HNF4G: variants seen among roughly 807,000 people sequenced by gnomAD.
The protein encoded by HNF4G is hepatocyte nuclear factor 4 gamma.
A neutral mutation model predicts 50.9 loss-of-function variants in HNF4G; 21 were observed. That is an observed-to-expected ratio of 0.41 (90% CI 0.29 to 0.59). HNF4G has a LOEUF of 0.59. HNF4G is among the 20% of genes least tolerant of loss of function. HNF4G has a pLI of 0.26. For synonymous variants in HNF4G, 198 were observed against 185.6 expected, an observed-to-expected ratio of 1.07 and a Z score of -0.54; for missense variants, 527 against 559.4, an observed-to-expected ratio of 0.94 and a Z score of 0.58.
intron 4 of HNF4G, among the ~76,000 whole-genome samples, chr8:75,552,420 A>T (rs1440764791): frequency 1.3e-5 from 2 of 152,172 alleles, no homozygotes; most frequent in Non-Finnish European, 2.9e-5. Flanking sequence ...AAGCTTTATT[A>T]CTTATATTTT....
rs571651357 is a variant in HNF4G at position 75,566,708 on chromosome 8, A to G, written c.*2612A>G. 3.9e-5 allele frequency: 6 copies of G among 152,374 alleles called. No individual in the cohort carries two copies. In the East Asian group the frequency reaches 7.7e-4, roughly 20 times the overall value. The allele number at this position is 152,374 out of a possible 1,614,324, so 9.4% of individuals were successfully genotyped here. A position where few individuals can be genotyped will look rare whatever the true frequency, so the allele number is the denominator to read the frequency against. On this transcript the variant is annotated 3_prime_UTR_variant, in exon 10 of 10. Transcript: ENST00000396423. ...ATGTATAATTATTTTTATAAATTTT[A>G]TTGTTGGAAATCAAAAATTAGTAGA...
At chr8:75,530,585 T>G (rs1806301872) in intron 2 of HNF4G, among the ~76,000 whole-genome samples, 1 of 152,150 alleles carries the variant, frequency 6.6e-6, no homozygotes, top group South Asian at 2.1e-4. Context: ...AACTTTAGGT[T>G]TAAATCATTT....
intron 4 of HNF4G, among the ~76,000 whole-genome samples, chr8:75,552,733 G>A (rs1279033687): frequency 1.3e-5 from 2 of 152,064 alleles, no homozygotes; most frequent in Non-Finnish European, 2.9e-5. Context: ...TTTGAATTGT[G>A]AAATTCCTCA....
chr8:75,482,406 C>T (rs1035322723), intron 1 of HNF4G, among the ~76,000 whole-genome samples: 1 of 151,508 alleles, frequency 6.6e-6, no homozygotes, highest in Non-Finnish European at 1.5e-5. Context: ...CTCTCTGTTA[C>T]CCAGGCTGGA....
At position 75,509,733 on chromosome 8, in the gene HNF4G, A is replaced by T. The variant is rs75652450; in HGVS notation, c.-24+19525A>T. Among the ~76,000 whole-genome samples, 979 of 152,238 alleles carry T rather than the reference A, an allele frequency of 6.4e-3. 4 individuals carry two copies. The highest frequency in any genetic ancestry group is 0.019 in the African/African-American group (773 of 41,554). On this transcript the variant is annotated intron_variant, in intron 2 of 10. Coordinates refer to the HNF4G transcript ENST00000354370. ...AGCCAAAAAGTTCCTATGGTTAATGATGTCATAGCTGTTATAATGTCATGG... is the reference window on the plus strand; with the variant it reads ...AGCCAAAAAGTTCCTATGGTTAATGTTGTCATAGCTGTTATAATGTCATGG...
rs181671706 is a variant in HNF4G at position 75,420,600 on chromosome 8, C to T, written c.-144+12438C>T. On this transcript the variant is annotated intron_variant, in intron 1 of 10. Coordinates refer to the HNF4G transcript ENST00000354370. Reference sequence around the variant, plus strand: ...TGTTCAATATTCCTTCCAAACCCTTCCCCGATCTCCCACACATAAACATCA... The same window carrying T: ...TGTTCAATATTCCTTCCAAACCCTTTCCCGATCTCCCACACATAAACATCA... 1.5e-3 allele frequency among the ~76,000 whole-genome samples: 233 copies of T among 152,312 alleles called. 2 individuals are homozygous for T. Among genetic ancestry groups the T allele is most frequent in the African/African-American group, 5.1e-3 (213 of 41,562 alleles).
At chr8:75,540,851 A>ATGTGTGTG (rs56799230) in intron 1 of HNF4G, among the ~76,000 whole-genome samples, 35,046 of 146,194 alleles carry the variant, frequency 0.24, 4,414 homozygotes, top group African/African-American at 0.33. Context: ...GAAAATGTGT[A>ATGTGTGTG]TGTGTGTGTG....
intron 1 of HNF4G, among the ~76,000 whole-genome samples, chr8:75,418,095 A>G (rs1810685143): frequency 6.6e-6 from 1 of 152,144 alleles, no homozygotes; most frequent in East Asian, 1.9e-4. Context: ...TCTGGAGGCT[A>G]GAAATTTAAG....
At chr8:75,430,562 T>C (rs909952113) in intron 1 of HNF4G, among the ~76,000 whole-genome samples, 1 of 150,834 alleles carries the variant, frequency 6.6e-6, no homozygotes, top group Non-Finnish European at 1.5e-5. Flanking sequence ...TGGTTCTGGG[T>C]GTAGTGAAGG....
In HNF4G at chr8:75,480,103, A is replaced by C. The variant is rs1812341138; in HGVS notation, c.-143-9986A>C. On this transcript the variant is annotated intron_variant, in intron 1 of 10. Coordinates refer to the HNF4G transcript ENST00000354370. ...TAATTGCCTATTAGATAATTTGCTT[A>C]TCTATGTGCTATACCTGGTAACTTT... 2.6e-5 allele frequency among the ~76,000 whole-genome samples: 4 copies of C among 152,296 alleles called. No individual in the cohort carries two copies. In the South Asian group the frequency reaches 8.3e-4, roughly 32 times the overall value.
chr8:75,560,422 T>C lies in HNF4G; in HGVS notation c.1202T>C (p.Ile401Thr). The part of the protein sequence containing the change: ...LSQDPLTGQT[I>T]LLGPMSTLVH... ...CAAGACCCATTAACTGGACAAACTA[T>C]ACTTTTAGGTCCCATGTCAACACTG... is the stretch of plus-strand genomic sequence containing the variant. Residue 401 changes from isoleucine to threonine, a missense_variant, in exon 9 of 10, where the codon ATA (isoleucine) becomes ACA (threonine). Coordinates refer to ENST00000396423, the MANE Select transcript of HNF4G (RefSeq NM_004133.5). 1 of 1,613,220 alleles carries C rather than the reference T, an allele frequency of 6.2e-7. No individual in the cohort carries two copies. Among genetic ancestry groups the C allele is most frequent in the Non-Finnish European group, 8.5e-7 (1 of 1,179,308 alleles).
At position 75,566,686 on chromosome 8, in the gene HNF4G, T is replaced by A. The variant is rs767218847; in HGVS notation, c.*2590T>A. 9 of 152,410 alleles carry A rather than the reference T, an allele frequency of 5.9e-5. No individual in the cohort carries two copies. Among genetic ancestry groups the A allele is most frequent in the Non-Finnish European group, 1.3e-4 (9 of 67,998 alleles). The allele number at this position is 152,410 out of a possible 1,614,324, so 9.4% of individuals were successfully genotyped here. ...TGTGAAATAATTCATTTTATAAATG[T>A]ATAATTATTTTTATAAATTTTATTG... On this transcript the variant is annotated 3_prime_UTR_variant, in exon 10 of 10. Transcript: ENST00000396423.
chr8:75,480,206 G>C (rs1040907496), intron 1 of HNF4G, among the ~76,000 whole-genome samples: 10 of 152,142 alleles, frequency 6.6e-5, no homozygotes, highest in Non-Finnish European at 1.5e-4. Flanking sequence ...TAACTGGAAA[G>C]TACATAATAT....
Position 75,563,980 on chromosome 8 carries a change from C to A in HNF4G, c.1252C>A (p.Pro418Thr). Residue 418 changes from proline to threonine, a missense_variant, in exon 10 of 10, where the codon CCT (proline) becomes ACT (threonine). Pro to Thr is a conservative substitution (Grantham distance 38, BLOSUM62 -1). Transcript: ENST00000396423. ...TLVHADQISTPETPLPSPPQG... is the reference protein window; with the variant it reads ...TLVHADQISTTETPLPSPPQG... ...ATTCTCTGATTCTTTTTCAGCAACT[C>A]CTGAAACCCCACTCCCTTCCCCACC... 6.2e-7 allele frequency: 1 copy of A among 1,613,310 alleles called. No individual in the cohort carries two copies. Among genetic ancestry groups the A allele is most frequent in the African/African-American group, 1.3e-5 (1 of 74,986 alleles).
Position 75,543,814 on chromosome 8 carries a change from G to T in HNF4G, c.122G>T (p.Ser41Ile). 6.2e-7 allele frequency: 1 copy of T among 1,610,052 alleles called. No individual in the cohort carries two copies. Among genetic ancestry groups the T allele is most frequent in the South Asian group, 1.1e-5 (1 of 90,444 alleles). The change falls in exon 2 of 10, where the codon AGT (serine) becomes ATT (isoleucine). Residue 41 changes from serine (S) to isoleucine (I), a missense_variant. Around this residue, in one of 5 missense-constraint regions of HNF4G, gnomAD observed 84 missense variants for 87.1 expected, o/e 0.96. Coordinates refer to ENST00000396423, the MANE Select transcript of HNF4G (RefSeq NM_004133.5). ...TMQILYNSSD[S>I]SAPETSMNTT... Reference sequence around the variant, plus strand: ...AATCTTCCTTTTTTATTGACAGATAGTTCTGCCCCAGAGACAAGTATGAAT... The same window carrying T: ...AATCTTCCTTTTTTATTGACAGATATTTCTGCCCCAGAGACAAGTATGAAT...
chr8:75,520,136 T>G (rs1170913298), intron 2 of HNF4G, among the ~76,000 whole-genome samples: 1 of 152,110 alleles, frequency 6.6e-6, no homozygotes, highest in African/African-American at 2.4e-5. Flanking sequence ...AATAAATGAA[T>G]TAATAAGATA....
intron 1 of HNF4G, among the ~76,000 whole-genome samples, chr8:75,423,166 T>C (rs942663105): frequency 2.0e-5 from 3 of 152,120 alleles, no homozygotes; most frequent in African/African-American, 7.2e-5. Flanking sequence ...GCCTGGAATT[T>C]TGTTCCCTTT....
chr8:75,509,049 G>A (rs1805682380), intron 2 of HNF4G, among the ~76,000 whole-genome samples: 1 of 152,128 alleles, frequency 6.6e-6, no homozygotes, highest in Non-Finnish European at 1.5e-5. Flanking sequence ...GTCCGAAGAG[G>A]GTGAGTTTAA....
chr8:75,539,421 A>C (rs186142309), upstream of HNF4G, among the ~76,000 whole-genome samples: 1 of 152,266 alleles, frequency 6.6e-6, no homozygotes, highest in African/African-American at 2.4e-5. Context: ...CTTTACTCCA[A>C]AATAAAGGTA....
Sources: allele counts gnomAD v4.1 joint callset (sites outside exome capture counted in the v4.1 genomes callset), GRCh38; gene constraint gnomAD v4.1.1; regional missense constraint gnomAD v4.1.1; transcripts MANE v1.5; gene names NCBI Gene and HGNC (gene_info 2026-07-23, HGNC 2026-07-21).